The following CSMD1 variants were observed in gnomAD, a reference collection of about 807,000 sequenced individuals.
CSMD1 encodes CUB and Sushi multiple domains 1.
In CSMD1, 213 loss-of-function variants were observed where a neutral mutation model predicts 417.5. The ratio of observed to expected loss-of-function variants is 0.51; its 90% CI spans 0.46 to 0.57. CSMD1 has a LOEUF of 0.57. Among genes scored for constraint, CSMD1 ranks in the 20% least tolerant of loss-of-function variants. The pLI is 0.00. For missense variants in CSMD1, 6,923 were observed against 4,529.7 expected (o/e 1.53, Z -15.17); for synonymous variants, 2,862 against 1,736.8 (o/e 1.65, Z -16.11).
chr8:3,633,809 C>A (rs1270672584), intron 7 of CSMD1, among the ~76,000 whole-genome samples: 9 of 152,132 alleles, frequency 5.9e-5, no homozygotes, highest in African/African-American at 2.2e-4. Flanking sequence ...CCACTTGATG[C>A]ATAGCTTGTA....
chr8:4,674,533 G>C (rs924830175), intron 1 of CSMD1, among the ~76,000 whole-genome samples: 2 of 151,990 alleles, frequency 1.3e-5, no homozygotes, highest in Non-Finnish European at 2.9e-5. Context: ...CAGGAGAGGA[G>C]CAACTTGACC....
intron 7 of CSMD1, among the ~76,000 whole-genome samples, chr8:3,618,585 C>T (rs1802260361): frequency 6.6e-6 from 1 of 151,414 alleles, no homozygotes; most frequent in African/African-American, 2.4e-5. Context: ...CAAAATAATC[C>T]AGCAAGTTTG....
At chr8:4,778,726 A>G (rs1307999137) in intron 1 of CSMD1, among the ~76,000 whole-genome samples, 1 of 152,152 alleles carries the variant, frequency 6.6e-6, no homozygotes, top group Non-Finnish European at 1.5e-5. Context: ...TGCCCATTTT[A>G]TAGTGTTAAT....
intron 7 of CSMD1, among the ~76,000 whole-genome samples, chr8:3,651,602 C>G (rs1031486675): frequency 7.2e-5 from 11 of 152,232 alleles, no homozygotes; most frequent in Non-Finnish European, 1.0e-4. Context: ...CCCCTGCCCC[C>G]CTGCACTCAT....
chr8:3,892,977 A>AT (rs1350813055), intron 5 of CSMD1, among the ~76,000 whole-genome samples: 1 of 151,650 alleles, frequency 6.6e-6, no homozygotes, highest in Non-Finnish European at 1.5e-5. Context: ...ATAAAAAAAA[A>AT]ATATGACATA....
chr8:4,027,167 G>A (rs1455119973), intron 4 of CSMD1, among the ~76,000 whole-genome samples: 2 of 152,180 alleles, frequency 1.3e-5, no homozygotes, highest in African/African-American at 2.4e-5. Flanking sequence ...GCACCATTTA[G>A]TTACGACGAG....
chr8:4,112,280 C>G (rs927551011), intron 3 of CSMD1, among the ~76,000 whole-genome samples: 5 of 152,280 alleles, frequency 3.3e-5, no homozygotes, highest in Middle Eastern at 3.4e-3. Context: ...TCTGATACAC[C>G]TTTCTGTGCC....
At chr8:4,114,959 C>G (rs1013068311) in intron 3 of CSMD1, among the ~76,000 whole-genome samples, 4 of 152,152 alleles carry the variant, frequency 2.6e-5, no homozygotes, top group African/African-American at 7.2e-5. Context: ...ATGCCATAAA[C>G]ATTGTTGAAA....
At position 3,379,872 on chromosome 8, in the gene CSMD1, T is replaced by C. The variant is rs186121131; in HGVS notation, c.2782+7622A>G. On this transcript the variant is annotated intron_variant, in intron 18 of 69. Transcript: ENST00000635120. Reference sequence around the variant, plus strand: ...TCATGACTAAAACACCAAAAAGCAATGGCAACAGAATCCAAAATAGACAAA... The same window carrying C: ...TCATGACTAAAACACCAAAAAGCAACGGCAACAGAATCCAAAATAGACAAA... Among the ~76,000 whole-genome samples, 16 of 152,186 alleles carry C rather than the reference T, an allele frequency of 1.1e-4. No homozygotes were observed. The East Asian group carries it at 3.1e-3, about 29-fold the overall frequency.
chr8:4,676,273 T>C (rs1310296614), intron 1 of CSMD1, among the ~76,000 whole-genome samples: 2 of 152,148 alleles, frequency 1.3e-5, no homozygotes, highest in Admixed American at 6.6e-5. Flanking sequence ...CCTCCCTCTA[T>C]ATATTAAGAT....
chr8:3,631,929 T>G (rs938355590), intron 7 of CSMD1, among the ~76,000 whole-genome samples: 1 of 152,324 alleles, frequency 6.6e-6, no homozygotes, highest in African/African-American at 2.4e-5. Flanking sequence ...CCCAGATCAC[T>G]GCCTCTTTGT....
intron 2 of CSMD1, among the ~76,000 whole-genome samples, chr8:4,533,479 T>G (rs919816226): frequency 6.6e-6 from 1 of 152,234 alleles, no homozygotes. Flanking sequence ...CCTCCTATTA[T>G]GCTCTTGGAG....
intron 2 of CSMD1, among the ~76,000 whole-genome samples, chr8:4,432,195 G>C (rs988694401): frequency 4.6e-5 from 7 of 152,162 alleles, no homozygotes; most frequent in African/African-American, 1.2e-4. Context: ...GTTTGAAAAA[G>C]TAAAATTGGA....
intron 26 of CSMD1, among the ~76,000 whole-genome samples, chr8:3,273,761 G>T (rs1052052353): frequency 6.7e-6 from 1 of 149,628 alleles, no homozygotes; most frequent in Admixed American, 6.7e-5. Flanking sequence ...TCGTATTTCT[G>T]TGGGATTGGT....
chr8:4,656,231 T>C (rs766444398), intron 1 of CSMD1, among the ~76,000 whole-genome samples: 14 of 151,892 alleles, frequency 9.2e-5, no homozygotes, highest in Admixed American at 2.0e-4. Context: ...GGAAAAGCCT[T>C]AGGTTAGGAG....
At chr8:4,033,130 GAAAAAAAAAAAA>G (rs58668077) in intron 3 of CSMD1, among the ~76,000 whole-genome samples, 1 of 80,658 alleles carries the variant, frequency 1.2e-5, no homozygotes, top group African/African-American at 5.1e-5. Flanking sequence ...TTTCCAATAT[GAAAAAAAAAAAA>G]AAAAAAAAAA....
At chr8:4,611,449 G>A (rs1365332718) in intron 2 of CSMD1, among the ~76,000 whole-genome samples, 1 of 152,146 alleles carries the variant, frequency 6.6e-6, no homozygotes, top group Non-Finnish European at 1.5e-5. Context: ...ATTTCTCAGT[G>A]TGTACCATTT....
At chr8:3,959,816 G>T (rs777449699) in intron 5 of CSMD1, among the ~76,000 whole-genome samples, 6 of 152,144 alleles carry the variant, frequency 3.9e-5, no homozygotes, top group Admixed American at 1.3e-4. Context: ...AGCACCTTCT[G>T]GCATTATACA....
Position 4,096,807 on chromosome 8 carries a change from T to C in CSMD1, c.416-64708A>G, listed in dbSNP as rs372063484. On this transcript the variant is annotated intron_variant, in intron 3 of 69. Transcript: ENST00000635120. ...GGAGTTGCACTCCGACGCTGTCTTCTGACCCATCATTCTTGATATATTTAA... is the reference window on the plus strand; with the variant it reads ...GGAGTTGCACTCCGACGCTGTCTTCCGACCCATCATTCTTGATATATTTAA... 3.3e-5 allele frequency among the ~76,000 whole-genome samples: 5 copies of C among 152,364 alleles called. No homozygotes were observed. In the South Asian group the frequency reaches 6.2e-4, roughly 19 times the overall value.
Sources: gnomAD v4.1 joint callset for allele counts (sites outside exome capture counted in the v4.1 genomes callset) on GRCh38, gnomAD v4.1.1 for gene constraint, MANE v1.5 for transcripts, NCBI Gene and HGNC (gene_info 2026-07-23, HGNC 2026-07-21) for gene names.